MYRIP: variants seen among roughly 807,000 people sequenced by gnomAD.
The protein encoded by MYRIP is myosin VIIA and Rab interacting protein.
MYRIP carries 49 observed loss-of-function variants against 98.0 expected under a neutral mutation model. The observed-to-expected ratio is 0.50, with a 90% CI of 0.40 to 0.63. The LOEUF is 0.63. MYRIP is among the 30% of genes least tolerant of loss of function. The pLI, the probability that MYRIP is intolerant of heterozygous loss-of-function variation, is 0.00. For missense variants in MYRIP, 1,004 were observed against 1,058.2 expected, an observed-to-expected ratio of 0.95 and a Z score of 0.71; for synonymous variants, 404 against 409.5, an observed-to-expected ratio of 0.99 and a Z score of 0.16.
chr3:40,146,007 G>C (rs1950001795), intron 3 of MYRIP, among the ~76,000 whole-genome samples: 1 of 152,038 alleles, frequency 6.6e-6, no homozygotes, highest in African/African-American at 2.4e-5. Flanking sequence ...ATAGGAGTGG[G>C]AAAAAAATGT....
At chr3:40,171,952 G>C (rs1195528294) in intron 8 of MYRIP, among the ~76,000 whole-genome samples, 1 of 152,240 alleles carries the variant, frequency 6.6e-6, no homozygotes, top group Non-Finnish European at 1.5e-5. Context: ...CACATCTTAA[G>C]TAGTGGCAGG....
chr3:40,206,730 C>T (rs1450058727), intron 10 of MYRIP, among the ~76,000 whole-genome samples: 3 of 152,152 alleles, frequency 2.0e-5, no homozygotes, highest in African/African-American at 7.2e-5. Flanking sequence ...ACCTTTGAGC[C>T]CCAGTAAAGC....
chr3:40,135,033 G>C (rs2125921914), intron 3 of MYRIP, among the ~76,000 whole-genome samples: 1 of 152,332 alleles, frequency 6.6e-6, no homozygotes, highest in East Asian at 1.9e-4. Context: ...GCTGGATGGA[G>C]AATGACTTTG....
chr3:39,882,098 A>G lies in MYRIP; in HGVS notation c.-30-18689A>G, dbSNP rs149900603. On this transcript the variant is annotated intron_variant, in intron 1 of 16. Coordinates refer to ENST00000302541, the MANE Select transcript of MYRIP (RefSeq NM_015460.4). The stretch of plus-strand genomic sequence containing the variant: ...CTGATTTATGAATATTAAACCTGAT[A>G]TGTGAACATGCTCCCTTTTTTCTTG... Among the ~76,000 whole-genome samples, 471 of 152,286 alleles carry G rather than the reference A, an allele frequency of 3.1e-3. 5 individuals carry two copies. The highest frequency in any genetic ancestry group is 4.8e-3 in the Non-Finnish European group (327 of 68,020).
intron 2 of MYRIP, among the ~76,000 whole-genome samples, chr3:39,955,938 T>C (rs1037621356): frequency 6.6e-6 from 1 of 152,154 alleles, no homozygotes; most frequent in Non-Finnish European, 1.5e-5. Flanking sequence ...ACAAGGCCAT[T>C]ATATAATGGT....
chr3:40,188,919 TAAAC>T (rs1188168850), intron 9 of MYRIP, among the ~76,000 whole-genome samples: 1 of 152,192 alleles, frequency 6.6e-6, no homozygotes, highest in Non-Finnish European at 1.5e-5. Context: ...CTATTCACCT[TAAAC>T]AAGACAAAAC....
chr3:39,985,071 GT>G (rs768268035), intron 2 of MYRIP, among the ~76,000 whole-genome samples: 1 of 106,440 alleles, frequency 9.4e-6, no homozygotes, highest in South Asian at 2.7e-4. Context: ...TTTTGATGGG[GT>G]TTTGTTTTTT....
At chr3:40,140,261 C>A (rs779498300) in intron 3 of MYRIP, among the ~76,000 whole-genome samples, 1 of 152,170 alleles carries the variant, frequency 6.6e-6, no homozygotes, top group Non-Finnish European at 1.5e-5. Flanking sequence ...TAGCAACATA[C>A]GAGAGATCCA....
intron 9 of MYRIP, among the ~76,000 whole-genome samples, chr3:40,184,714 G>T (rs890661063): frequency 1.2e-4 from 19 of 152,196 alleles, no homozygotes; most frequent in African/African-American, 1.9e-4. Context: ...TGGATTATGA[G>T]CATTCATAAT....
intron 2 of MYRIP, among the ~76,000 whole-genome samples, chr3:40,036,759 G>A (rs1947394558): frequency 6.6e-6 from 1 of 152,060 alleles, no homozygotes; most frequent in Admixed American, 6.6e-5. Flanking sequence ...CATTCTCAGG[G>A]CAGGCCCTAG....
intron 3 of MYRIP, among the ~76,000 whole-genome samples, chr3:40,047,104 G>A (rs886868699): frequency 7.2e-5 from 11 of 152,138 alleles, no homozygotes; most frequent in Admixed American, 3.3e-4. Flanking sequence ...ACCTTGCCTC[G>A]CAAAAGCAAG....
At chr3:39,847,468 T>G (rs1941999232) in intron 1 of MYRIP, among the ~76,000 whole-genome samples, 1 of 152,218 alleles carries the variant, frequency 6.6e-6, no homozygotes, top group African/African-American at 2.4e-5. Flanking sequence ...ACTTCTTGTT[T>G]CTGTAACTGG....
chr3:40,181,377 A>G (rs969385623), intron 8 of MYRIP, among the ~76,000 whole-genome samples: 12 of 152,196 alleles, frequency 7.9e-5, no homozygotes, highest in Admixed American at 7.2e-4. Flanking sequence ...TTGCACTGGG[A>G]CAGAAGGGAG....
At chr3:40,198,209 G>A (rs1350861176) in intron 10 of MYRIP, among the ~76,000 whole-genome samples, 1 of 127,244 alleles carries the variant, frequency 7.9e-6, no homozygotes, top group Non-Finnish European at 1.9e-5. Flanking sequence ...ATAAAACAGG[G>A]AAGCACCGAG....
intron 3 of MYRIP, among the ~76,000 whole-genome samples, chr3:40,047,179 T>C (rs145087814): frequency 1.1e-4 from 16 of 152,342 alleles, no homozygotes; most frequent in African/African-American, 3.4e-4. Flanking sequence ...TTGTCAGATA[T>C]TGGAAAAATA....
intron 2 of MYRIP, among the ~76,000 whole-genome samples, chr3:39,907,762 G>A (rs7634313): frequency 0.017 from 2,573 of 152,204 alleles, 69 homozygotes; most frequent in African/African-American, 0.058. Context: ...GAAGAAACAC[G>A]CTCAGAGGGT....
chr3:40,195,525 AGCTT>A (rs1184611081), intron 10 of MYRIP, among the ~76,000 whole-genome samples: 1 of 152,108 alleles, frequency 6.6e-6, no homozygotes, highest in Non-Finnish European at 1.5e-5. Context: ...TGAACTCCTG[AGCTT>A]AAGCAATCCT....
intron 1 of MYRIP, among the ~76,000 whole-genome samples, chr3:39,815,495 A>G (rs985597902): frequency 3.9e-5 from 6 of 151,998 alleles, no homozygotes; most frequent in African/African-American, 9.7e-5. Flanking sequence ...TGCTCTTGTG[A>G]ATGGGATCAT....
intron 2 of MYRIP, among the ~76,000 whole-genome samples, chr3:40,023,721 TC>T (rs1947056756): frequency 6.6e-6 from 1 of 152,164 alleles, no homozygotes; most frequent in African/African-American, 2.4e-5. Flanking sequence ...TTTCCAAGCT[TC>T]CAGCCCCCTG....
Sources: gnomAD v4.1 joint callset for allele counts (sites outside exome capture counted in the v4.1 genomes callset) on GRCh38, gnomAD v4.1.1 for gene constraint, MANE v1.5 for transcripts, NCBI Gene and HGNC (gene_info 2026-07-23, HGNC 2026-07-21) for gene names.